MAGI1: variants seen among roughly 807,000 people sequenced by gnomAD.
MAGI1 encodes membrane associated guanylate kinase, WW and PDZ domain containing 1.
Under a neutral mutation model 139.9 loss-of-function variants are expected in MAGI1, and 58 were observed. The ratio of observed to expected loss-of-function variants is 0.41; its 90% CI spans 0.34 to 0.52. The LOEUF is 0.52. MAGI1 is among the 20% of genes least tolerant of loss of function. MAGI1 has a pLI of 0.12. For missense variants in MAGI1, 1,874 were observed against 1,901.6 expected (o/e 0.99, Z 0.27); for synonymous variants, 812 against 737.9 (o/e 1.10, Z -1.63).
intron 2 of MAGI1, among the ~76,000 whole-genome samples, chr3:65,621,568 C>A (rs564961162): frequency 6.6e-6 from 1 of 152,158 alleles, no homozygotes; most frequent in Non-Finnish European, 1.5e-5. Flanking sequence ...AAGGTCAGTC[C>A]GAAGGCCGCT....
At chr3:65,691,962 C>G (rs2107567254) in intron 1 of MAGI1, among the ~76,000 whole-genome samples, 1 of 152,278 alleles carries the variant, frequency 6.6e-6, no homozygotes, top group African/African-American at 2.4e-5. Context: ...ATCCAAAGTG[C>G]TACATTTCAG....
At chr3:65,743,430 G>A (rs969910679) in intron 1 of MAGI1, among the ~76,000 whole-genome samples, 2 of 152,110 alleles carry the variant, frequency 1.3e-5, no homozygotes, top group African/African-American at 4.8e-5. Context: ...TATCTAGGCC[G>A]GGCGTGGTGG....
intron 1 of MAGI1, among the ~76,000 whole-genome samples, chr3:65,721,570 C>G (rs2033027507): frequency 1.3e-5 from 2 of 152,166 alleles, no homozygotes. Context: ...GTAGACAAAA[C>G]TTAAGCACTG....
At chr3:65,425,108 TAAAA>T (rs72030632) in intron 12 of MAGI1, among the ~76,000 whole-genome samples, 2,614 of 66,178 alleles carry the variant, frequency 0.039, 36 homozygotes, top group Non-Finnish European at 0.065. Flanking sequence ...GTAGAACTTC[TAAAA>T]AAAAAAAAAA....
chr3:65,549,781 A>G (rs1408426122), intron 2 of MAGI1, among the ~76,000 whole-genome samples: 1 of 152,082 alleles, frequency 6.6e-6, no homozygotes, highest in Non-Finnish European at 1.5e-5. Context: ...AGCCAGGGTA[A>G]GAGGGGCCCA....
rs1560047258 is a variant in MAGI1 at position 65,951,025 on chromosome 3, AAGGAAGGAAGGAAAGGAG to A, written c.313+86953_313+86970del. Among the ~76,000 whole-genome samples, 204 of 57,320 alleles carry A rather than the reference AAGGAAGGAAGGAAAGGAG, an allele frequency of 3.6e-3. 10 individuals carry two copies. Among genetic ancestry groups the A allele is most frequent in the Non-Finnish European group, 7.8e-3 (170 of 21,794 alleles). The allele number at this position is 57,320 out of a possible 152,430, so 37.6% of individuals were successfully genotyped here. On this transcript the variant is annotated intron_variant, in intron 1 of 22. Coordinates refer to ENST00000402939, the MANE Select transcript of MAGI1 (RefSeq NM_001033057.2). ...GAAGGAAGGAAGGAAGGAAGGAAGG[AAGGAAGGAAGGAAAGGAG>A]GGAGGGAGGGAGGAAGGTGGGAGGG...
chr3:65,736,510 A>G lies in MAGI1; in HGVS notation c.314-114422T>C, dbSNP rs189655306. The stretch of plus-strand genomic sequence containing the variant: ...CTAAAGAACCAAGAAAACTGGTGGT[A>G]TATTTCAATCCATGATGGTATAAAC... On this transcript the variant is annotated intron_variant, in intron 1 of 22. Transcript: ENST00000402939. Among the ~76,000 whole-genome samples the G allele has an allele frequency of 1.6e-3, 243 of 152,296 alleles. No individual in the cohort carries two copies. The Middle Eastern group carries it at 0.024, about 15-fold the overall frequency.
At chr3:65,899,522 T>A (rs937958254) in intron 1 of MAGI1, among the ~76,000 whole-genome samples, 4 of 152,186 alleles carry the variant, frequency 2.6e-5, no homozygotes, top group Non-Finnish European at 5.9e-5. Flanking sequence ...ATAATGGAAA[T>A]GCCACCATGG....
At chr3:65,737,379 G>T (rs1438819178) in intron 1 of MAGI1, among the ~76,000 whole-genome samples, 1 of 152,216 alleles carries the variant, frequency 6.6e-6, no homozygotes, top group Non-Finnish European at 1.5e-5. Flanking sequence ...ATGGATGGAT[G>T]AATAAATCAG....
intron 1 of MAGI1, among the ~76,000 whole-genome samples, chr3:65,956,882 A>G (rs1342378927): frequency 6.6e-5 from 10 of 152,078 alleles, no homozygotes; most frequent in African/African-American, 2.4e-4. Context: ...CACACCTGTA[A>G]TCCCAGCTAC....
At chr3:65,380,280 T>C (rs1942938642) in intron 16 of MAGI1, among the ~76,000 whole-genome samples, 1 of 152,264 alleles carries the variant, frequency 6.6e-6, no homozygotes, top group African/African-American at 2.4e-5. Flanking sequence ...AAAATGTGTG[T>C]TGTGTCCAAG....
At chr3:65,561,114 C>A (rs927544625) in intron 2 of MAGI1, among the ~76,000 whole-genome samples, 4 of 152,174 alleles carry the variant, frequency 2.6e-5, no homozygotes, top group Non-Finnish European at 4.4e-5. Context: ...TTTGTCAAGA[C>A]TTTGTACCTC....
At chr3:65,961,748 G>A (rs1386073455) in intron 1 of MAGI1, among the ~76,000 whole-genome samples, 4 of 152,236 alleles carry the variant, frequency 2.6e-5, no homozygotes, top group East Asian at 1.9e-4. Context: ...ACATCCATTC[G>A]TGTCATTTTA....
chr3:65,935,328 G>A (rs2062998349), intron 1 of MAGI1, among the ~76,000 whole-genome samples: 1 of 152,202 alleles, frequency 6.6e-6, no homozygotes, highest in Non-Finnish European at 1.5e-5. Flanking sequence ...GAATGGTTTT[G>A]TAGATTGAAT....
At chr3:65,561,259 T>C (rs1250063581) in intron 2 of MAGI1, among the ~76,000 whole-genome samples, 1 of 152,170 alleles carries the variant, frequency 6.6e-6, no homozygotes, top group Non-Finnish European at 1.5e-5. Flanking sequence ...AAAGCTCATT[T>C]TATTAAAGTA....
At chr3:65,892,265 A>C (rs1243145821) in intron 1 of MAGI1, among the ~76,000 whole-genome samples, 1 of 152,234 alleles carries the variant, frequency 6.6e-6, no homozygotes, top group African/African-American at 2.4e-5. Flanking sequence ...AGATGTCTCA[A>C]TCCATGGTCC....
chr3:65,525,734 T>C (rs1321079981), intron 2 of MAGI1, among the ~76,000 whole-genome samples: 3 of 152,194 alleles, frequency 2.0e-5, no homozygotes, highest in Non-Finnish European at 4.4e-5. Flanking sequence ...TTGTCAATAA[T>C]ATAGCGGTAG....
intron 2 of MAGI1, among the ~76,000 whole-genome samples, chr3:65,549,765 C>T (rs1042944886): frequency 2.0e-5 from 3 of 151,998 alleles, no homozygotes; most frequent in Non-Finnish European, 2.9e-5. Context: ...GGTTCTGGCC[C>T]TGGGTAGCCA....
intron 22 of MAGI1, chr3:65,359,950 G>C: frequency 1.0e-6 from 1 of 985,330 alleles, no homozygotes. Flanking sequence ...TACACCTAAT[G>C]GTCAGAAGTT....
Sources: gnomAD v4.1 joint callset for allele counts (sites outside exome capture counted in the v4.1 genomes callset) on GRCh38, gnomAD v4.1.1 for gene constraint, MANE v1.5 for transcripts, NCBI Gene and HGNC (gene_info 2026-07-23, HGNC 2026-07-21) for gene names.